The following NTAQ1 variants were observed in gnomAD, a reference collection of about 807,000 sequenced individuals.
The protein encoded by NTAQ1 is protein N-terminal glutamine amidohydrolase.
Under a neutral mutation model 28.2 loss-of-function variants are expected in NTAQ1, and 21 were observed. The ratio of observed to expected loss-of-function variants is 0.74; its 90% confidence interval spans 0.53 to 1.07. The LOEUF is 1.07. Ranked by LOEUF, NTAQ1 falls within the 50% of genes least tolerant of loss-of-function variation. The pLI, the probability that NTAQ1 is intolerant of heterozygous loss-of-function variation, is 0.00. For synonymous variants in NTAQ1, 105 were observed against 90.0 expected, an observed-to-expected ratio of 1.17 and a Z score of -0.94; for missense variants, 264 against 256.6, an observed-to-expected ratio of 1.03 and a Z score of -0.20.
chr8:123,469,759 A>G (rs1048644826), exon 7 of NTAQ1, among the ~76,000 whole-genome samples: 14 of 152,226 alleles, frequency 9.2e-5, no homozygotes, highest in Admixed American at 3.9e-4. Flanking sequence ...AACGTCTACT[A>G]TGTTCTGGGC....
At chr8:123,446,104 G>A (rs141481728), downstream of NTAQ1, among the ~76,000 whole-genome samples, 602 of 151,362 alleles carry the variant, frequency 4.0e-3, 3 homozygotes, top group Non-Finnish European at 5.5e-3. Context: ...AGCGATTCTC[G>A]TGCCTCAGCC....
At chr8:123,468,593 A>G (rs1369403090) in exon 7 of NTAQ1, among the ~76,000 whole-genome samples, 3 of 152,186 alleles carry the variant, frequency 2.0e-5, no homozygotes, top group African/African-American at 7.2e-5. Context: ...CATTTGCTTT[A>G]TCATTTTTTC....
intron 6 of NTAQ1, among the ~76,000 whole-genome samples, chr8:123,460,507 C>G (rs1057268329): frequency 6.6e-6 from 1 of 152,140 alleles, no homozygotes; most frequent in Non-Finnish European, 1.5e-5. Context: ...GGGCATATTG[C>G]AGAGGTGAGA....
intron 5 of NTAQ1, among the ~76,000 whole-genome samples, chr8:123,441,060 C>CT (rs927648408): frequency 2.6e-4 from 40 of 152,230 alleles, no homozygotes; most frequent in African/African-American, 8.9e-4. Flanking sequence ...CTCTGCTGAT[C>CT]TTTGGAGCTC....
At chr8:123,452,498 G>A (rs1158614245), downstream of NTAQ1, among the ~76,000 whole-genome samples, 1 of 152,220 alleles carries the variant, frequency 6.6e-6, no homozygotes, top group Non-Finnish European at 1.5e-5. Flanking sequence ...TTGGGAGGCT[G>A]AGGCAGGAGG....
chr8:123,436,117 T>A (rs968288259), intron 3 of NTAQ1, among the ~76,000 whole-genome samples: 2 of 140,634 alleles, frequency 1.4e-5, no homozygotes, highest in Non-Finnish European at 3.0e-5. Flanking sequence ...TGCAGTGAGC[T>A]GAGATCATGC....
At position 123,434,761 on chromosome 8, in the gene NTAQ1, G is replaced by A. The variant is rs561772917; in HGVS notation, c.235-1692G>A. 5.9e-5 allele frequency among the ~76,000 whole-genome samples: 9 copies of A among 152,308 alleles called. 1 individual carries two copies. The South Asian group carries it at 1.9e-3, about 32-fold the overall frequency. On this transcript the variant is annotated intron_variant, in intron 3 of 5. Coordinates refer to ENST00000287387, the MANE Select transcript of NTAQ1 (RefSeq NM_018024.3). ...TTCGTGGGAAGAAAGCCTTTAGCTG[G>A]AGCTTGTGTGGTAGAAAGAGGTAGA... is the stretch of plus-strand genomic sequence containing the variant.
intron 6 of NTAQ1, among the ~76,000 whole-genome samples, chr8:123,463,598 G>C (rs1376635328): frequency 6.6e-6 from 1 of 152,240 alleles, no homozygotes; most frequent in Admixed American, 6.5e-5. Flanking sequence ...TCCAAAGTGA[G>C]TGTGAGATTG....
chr8:123,425,661 C>T (rs1462906816), intron 1 of NTAQ1, among the ~76,000 whole-genome samples: 1 of 151,904 alleles, frequency 6.6e-6, no homozygotes, highest in Non-Finnish European at 1.5e-5. Flanking sequence ...AGATGGTGAC[C>T]ATCCTCAGGG....
chr8:123,445,275 C>T (rs187963868), downstream of NTAQ1, among the ~76,000 whole-genome samples: 22 of 149,386 alleles, frequency 1.5e-4, no homozygotes, highest in African/African-American at 5.2e-4. Flanking sequence ...GTTTCCCCAC[C>T]CCCCCGACAA....
At chr8:123,452,590 G>T (rs914510624), downstream of NTAQ1, among the ~76,000 whole-genome samples, 1 of 149,978 alleles carries the variant, frequency 6.7e-6, no homozygotes, top group African/African-American at 2.5e-5. Flanking sequence ...GCAAGACTCG[G>T]TCTCCACACA....
At chr8:123,464,988 A>G (rs557396241) in intron 6 of NTAQ1, among the ~76,000 whole-genome samples, 1 of 152,292 alleles carries the variant, frequency 6.6e-6, no homozygotes, top group Non-Finnish European at 1.5e-5. Context: ...CAGTGAGCCC[A>G]GATCACACCA....
Position 123,464,523 on chromosome 8 carries a change from C to T in NTAQ1, c.373-2556C>T, listed in dbSNP as rs73705924. Among the ~76,000 whole-genome samples, 508 of 152,292 alleles carry T rather than the reference C, an allele frequency of 3.3e-3. 7 individuals are homozygous for T. The highest frequency in any genetic ancestry group is 0.012 in the African/African-American group (488 of 41,552). The stretch of plus-strand genomic sequence containing the variant: ...CTGGAGAGAGCATTGCCAGGCTGTG[C>T]CTCCACTCTCCCTCCCCAGGGGTAA... On this transcript the variant is annotated intron_variant, in intron 6 of 6. Transcript: ENST00000650311.
chr8:123,417,142 A>G (rs1295331333), intron 1 of NTAQ1, among the ~76,000 whole-genome samples: 1 of 152,188 alleles, frequency 6.6e-6, no homozygotes, highest in Non-Finnish European at 1.5e-5. Context: ...ATTCGTCCGG[A>G]ATCATAGGGT....
intron 3 of NTAQ1, among the ~76,000 whole-genome samples, chr8:123,434,905 T>G (rs909511962): frequency 6.6e-6 from 1 of 152,084 alleles, no homozygotes; most frequent in Admixed American, 6.6e-5. Flanking sequence ...TAGGCATTCA[T>G]TTTTGAATCT....
intron 3 of NTAQ1, chr8:123,435,536 T>A (rs902762891): frequency 3.0e-6 from 3 of 985,176 alleles, no homozygotes; most frequent in African/African-American, 3.5e-5. Flanking sequence ...TACTTCTGAA[T>A]GCGCACGTAT....
At chr8:123,449,889 C>CTCTCTCTCTCTCTCTA (rs1451159023), downstream of NTAQ1, among the ~76,000 whole-genome samples, 2 of 124,116 alleles carry the variant, frequency 1.6e-5, no homozygotes, top group African/African-American at 5.9e-5. Context: ...CTCTCTCTCT[C>CTCTCTCTCTCTCTCTA]TCTATCTCTC....
chr8:123,462,336 C>T (rs1815846006), intron 6 of NTAQ1, among the ~76,000 whole-genome samples: 1 of 152,144 alleles, frequency 6.6e-6, no homozygotes, highest in African/African-American at 2.4e-5. Flanking sequence ...GCATGAGCCA[C>T]CGTGCTGGGC....
intron 1 of NTAQ1, among the ~76,000 whole-genome samples, chr8:123,422,094 A>G (rs1813735118): frequency 2.8e-5 from 3 of 107,270 alleles, no homozygotes; most frequent in East Asian, 3.8e-4. Context: ...GAGATTATAG[A>G]TGTGAGCCAC....
Sources: allele counts gnomAD v4.1 joint callset (sites outside exome capture counted in the v4.1 genomes callset), GRCh38; gene constraint gnomAD v4.1.1; transcripts MANE v1.5; gene names NCBI Gene and HGNC (gene_info 2026-07-23, HGNC 2026-07-21).